Variants in FAM227A observed in about 807,000 individuals in gnomAD.
The protein encoded by FAM227A is family with sequence similarity 227 member A, also known as protein FAM227A.
FAM227A carries 80 observed loss-of-function variants against 74.7 expected under a neutral mutation model. The observed-to-expected ratio is 1.07, with a 90% CI of 0.89 to 1.29. The LOEUF is 1.29. FAM227A is among the 50% of genes most tolerant of loss of function. The pLI, the probability that FAM227A is intolerant of heterozygous loss-of-function variation, is 0.00. For missense variants in FAM227A, 654 were observed against 683.4 expected, an observed-to-expected ratio of 0.96 and a Z score of 0.48; for synonymous variants, 237 against 241.8, an observed-to-expected ratio of 0.98 and a Z score of 0.19.
chr22:38,649,254 A>G (rs772759717), intron 2 of FAM227A, among the ~76,000 whole-genome samples: 1 of 152,126 alleles, frequency 6.6e-6, no homozygotes, highest in Non-Finnish European at 1.5e-5. Context: ...GAGGATGGGT[A>G]GAGTTTAAGT....
At position 38,578,189 on chromosome 22, in the gene FAM227A, CACAGT is replaced by C. The variant is rs2090677422; in HGVS notation, c.*7931_*7935del. 6.6e-6 allele frequency: 1 copy of C among 152,084 alleles called. No homozygotes were observed. The allele number at this position is 152,084 out of a possible 1,614,324, so 9.4% of individuals were successfully genotyped here. A position where few individuals can be genotyped will look rare whatever the true frequency, so the allele number is the denominator to read the frequency against. ...TATATTTTATATGACTGGCAGGCAACACAGTACATTTGTTCACACCAACATCACCA... is the reference window on the plus strand; with the variant it reads ...TATATTTTATATGACTGGCAGGCAACACATTTGTTCACACCAACATCACCA... On this transcript the variant is annotated 3_prime_UTR_variant, in exon 17 of 17. Transcript: ENST00000535113.
Position 38,578,242 on chromosome 22 carries a change from C to CGCT in FAM227A, c.*7880_*7882dup, listed in dbSNP as rs1370612702. ...CCACAAACACGTGACTAATGCGTTA[C>CGCT]GCTATGACATTACGAAGGCTAAGAG... On this transcript the variant is annotated 3_prime_UTR_variant, in exon 17 of 17. Transcript: ENST00000535113. The CGCT allele has an allele frequency of 6.6e-6, 1 of 152,076 alleles. No individual in the cohort carries two copies. Among genetic ancestry groups the CGCT allele is most frequent in the Non-Finnish European group, 1.5e-5 (1 of 68,036 alleles). 9.4% of individuals were successfully genotyped at this position (152,076 alleles called of 1,614,324 possible).
intron 5 of FAM227A, 137 bp from the exon 6 acceptor site, chr22:38,636,734 C>T: frequency 1.4e-6 from 1 of 692,654 alleles, no homozygotes. Flanking sequence ...TGTTTAGGAT[C>T]CTAGGACCCC....
rs757326552 is a variant in FAM227A at position 38,582,926 on chromosome 22, A to G, written c.*3199T>C. On this transcript the variant is annotated 3_prime_UTR_variant, in exon 17 of 17. Coordinates refer to ENST00000535113, the MANE Select transcript of FAM227A (RefSeq NM_001013647.2). ...GACGTCTAAGCGGGGTCCTGGAGGAAGAGCAGGAATTAGTGATGTTGGCAG... is the reference window on the plus strand; with the variant it reads ...GACGTCTAAGCGGGGTCCTGGAGGAGGAGCAGGAATTAGTGATGTTGGCAG... 1 of 1,550,520 alleles carries G rather than the reference A, an allele frequency of 6.4e-7. No homozygotes were observed. Among genetic ancestry groups the G allele is most frequent in the Non-Finnish European group, 8.7e-7 (1 of 1,146,962 alleles).
rs1244810659 is a variant in FAM227A at position 38,580,756 on chromosome 22, T to C, written c.*5369A>G. The C allele has an allele frequency of 1.3e-5, 2 of 152,182 alleles. No homozygotes were observed. The highest frequency in any genetic ancestry group is 2.9e-5 in the Non-Finnish European group (2 of 68,050). The allele number at this position is 152,182 out of a possible 1,614,324, so 9.4% of individuals were successfully genotyped here. A position where few individuals can be genotyped will look rare whatever the true frequency, so the allele number is the denominator to read the frequency against. On this transcript the variant is annotated 3_prime_UTR_variant, in exon 17 of 17. Transcript: ENST00000535113. ...TCAAAATAATGAGGAAGTTTCCTAG[T>C]ATCCAATTAGTTTCCTCCTTTCCCC...
At chr22:38,612,876 A>G (rs1417401631) in intron 11 of FAM227A, among the ~76,000 whole-genome samples, 1 of 149,414 alleles carries the variant, frequency 6.7e-6, no homozygotes, top group Non-Finnish European at 1.5e-5. Flanking sequence ...TAACACGGAG[A>G]CTCTTCCAGG....
chr22:38,599,726 TG>T, intron 14 of FAM227A, 37 bp downstream of exon 14: 1 of 1,521,344 alleles, frequency 6.6e-7, no homozygotes, highest in Non-Finnish European at 8.8e-7. Flanking sequence ...CGCGGGGGCC[TG>T]GAGCAGTGCG....
chr22:38,632,302 G>T (rs1346564940), intron 6 of FAM227A, among the ~76,000 whole-genome samples: 4 of 152,308 alleles, frequency 2.6e-5, no homozygotes, highest in African/African-American at 7.2e-5. Context: ...TTAATCCCCA[G>T]TGCAACAGTG....
intron 6 of FAM227A, among the ~76,000 whole-genome samples, chr22:38,634,587 G>C (rs2145638124): frequency 6.6e-6 from 1 of 152,342 alleles, no homozygotes; most frequent in East Asian, 1.9e-4. Flanking sequence ...TTAAAGCTCA[G>C]AGAGGCGCTT....
At chr22:38,643,120 G>A (rs1361484405) in intron 3 of FAM227A, among the ~76,000 whole-genome samples, 2 of 151,890 alleles carry the variant, frequency 1.3e-5, no homozygotes, top group African/African-American at 4.8e-5. Context: ...GTCGAGACCA[G>A]CCTAGCCAAC....
At chr22:38,624,680 C>A (rs571838163) in intron 9 of FAM227A, among the ~76,000 whole-genome samples, 1 of 152,176 alleles carries the variant, frequency 6.6e-6, no homozygotes, top group African/African-American at 2.4e-5. Flanking sequence ...ACTTTGAGGA[C>A]TCCAGCTCTA....
intron 6 of FAM227A, among the ~76,000 whole-genome samples, chr22:38,636,076 AAAGG>A (rs979786573): frequency 3.3e-5 from 5 of 149,758 alleles, no homozygotes; most frequent in Non-Finnish European, 5.9e-5. Context: ...AAGAAAAAAG[AAAGG>A]AAGGAAGGAG....
At chr22:38,628,419 A>T in intron 7 of FAM227A, 77 bp from the exon 8 acceptor site, 1 of 868,244 alleles carries the variant, frequency 1.2e-6, no homozygotes, top group Non-Finnish European at 1.8e-6. Flanking sequence ...TTTTTAAATC[A>T]GTATTGTTTT....
At chr22:38,614,762 G>A (rs1358995373) in intron 11 of FAM227A, among the ~76,000 whole-genome samples, 1 of 152,172 alleles carries the variant, frequency 6.6e-6, no homozygotes, top group Non-Finnish European at 1.5e-5. Flanking sequence ...ATAACTGTCA[G>A]AAGAGTTTAT....
At chr22:38,611,402 G>A (rs1161785792) in intron 11 of FAM227A, among the ~76,000 whole-genome samples, 1 of 152,162 alleles carries the variant, frequency 6.6e-6, no homozygotes, top group Admixed American at 6.5e-5. Flanking sequence ...GTATGGGCAA[G>A]AGCTGCAAAA....
At position 38,581,859 on chromosome 22, in the gene FAM227A, C is replaced by G. The variant is rs1185500657; in HGVS notation, c.*4266G>C. 1 of 153,206 alleles carries G rather than the reference C, an allele frequency of 6.5e-6. No homozygotes were observed. Among genetic ancestry groups the G allele is most frequent in the Non-Finnish European group, 1.4e-5 (1 of 69,140 alleles). The allele number at this position is 153,206 out of a possible 1,614,324, so 9.5% of individuals were successfully genotyped here. A position where few individuals can be genotyped will look rare whatever the true frequency, so the allele number is the denominator to read the frequency against. ...CCAGGCTCAAGCGATCCTCCCACCTCAGCCTCCCTAGTAGCTAGGACTATA... is the reference window on the plus strand; with the variant it reads ...CCAGGCTCAAGCGATCCTCCCACCTGAGCCTCCCTAGTAGCTAGGACTATA... On this transcript the variant is annotated 3_prime_UTR_variant, in exon 17 of 17. Coordinates refer to ENST00000535113, the MANE Select transcript of FAM227A (RefSeq NM_001013647.2).
At chr22:38,610,036 G>T (rs1418539385) in intron 11 of FAM227A, among the ~76,000 whole-genome samples, 3 of 151,846 alleles carry the variant, frequency 2.0e-5, no homozygotes, top group Admixed American at 6.6e-5. Context: ...GCCTCCCAAA[G>T]TGCTGGGATT....
chr22:38,637,117 C>T (rs114088400), intron 5 of FAM227A, among the ~76,000 whole-genome samples: 14 of 152,220 alleles, frequency 9.2e-5, no homozygotes, highest in African/African-American at 2.2e-4. Context: ...TAACTTCAAT[C>T]GTAATATGAT....
intron 6 of FAM227A, among the ~76,000 whole-genome samples, chr22:38,632,162 C>T (rs556853845): frequency 4.6e-5 from 7 of 152,072 alleles, no homozygotes; most frequent in South Asian, 4.2e-4. Context: ...AGGGATGGAG[C>T]GATATGGGAG....
Sources: allele counts gnomAD v4.1 joint callset (sites outside exome capture counted in the v4.1 genomes callset), GRCh38; gene constraint gnomAD v4.1.1; transcripts MANE v1.5; gene names NCBI Gene and HGNC (gene_info 2026-07-23, HGNC 2026-07-21).